The following SLC2A9 variants were observed in gnomAD, a reference collection of about 807,000 sequenced individuals.
The protein encoded by SLC2A9 is solute carrier family 2, facilitated glucose transporter member 9.
A neutral mutation model predicts 50.6 loss-of-function variants in SLC2A9; 39 were observed. That is an observed-to-expected ratio of 0.77 (90% CI 0.60 to 1.01). The LOEUF (loss-of-function observed/expected upper bound fraction) is 1.01. Ranked by LOEUF, SLC2A9 falls within the 50% of genes least tolerant of loss-of-function variation. SLC2A9 has a pLI of 0.00. For missense variants in SLC2A9, 686 were observed against 677.6 expected, an observed-to-expected ratio of 1.01 and a Z score of -0.14; for synonymous variants, 324 against 276.9, an observed-to-expected ratio of 1.17 and a Z score of -1.69.
intron 3 of SLC2A9, among the ~76,000 whole-genome samples, chr4:9,994,379 A>T (rs1251246884): frequency 6.6e-6 from 1 of 152,148 alleles, no homozygotes; most frequent in African/African-American, 2.4e-5. Context: ...TTCAAGCTGA[A>T]ACTTCAGCCC....
chr4:10,012,979 T>C (rs1762018021), intron 2 of SLC2A9, among the ~76,000 whole-genome samples: 1 of 152,120 alleles, frequency 6.6e-6, no homozygotes, highest in Admixed American at 6.5e-5. Context: ...CTTTGGCCTT[T>C]GGGTGGAGAC....
intron 3 of SLC2A9, among the ~76,000 whole-genome samples, chr4:9,986,409 TCAGA>T (rs1756722602): frequency 6.6e-6 from 1 of 152,248 alleles, no homozygotes; most frequent in Admixed American, 6.5e-5. Context: ...GGCAGGAAAC[TCAGA>T]CAAACATGAA....
intron 3 of SLC2A9, among the ~76,000 whole-genome samples, chr4:9,813,166 A>G (rs1435386486): frequency 1.3e-5 from 2 of 152,222 alleles, no homozygotes; most frequent in Non-Finnish European, 2.9e-5. Context: ...ATGTTCAGCC[A>G]TATATGGAAA....
chr4:9,963,288 C>T (rs1752563655), intron 5 of SLC2A9, among the ~76,000 whole-genome samples: 1 of 152,170 alleles, frequency 6.6e-6, no homozygotes, highest in Non-Finnish European at 1.5e-5. Context: ...GCCCTTGACA[C>T]GTGGGGATTA....
chr4:9,994,564 C>CTTTTTTTTTTTTTTTTTTTTTT (rs35574155), intron 3 of SLC2A9, among the ~76,000 whole-genome samples: 1 of 131,826 alleles, frequency 7.6e-6, no homozygotes, highest in Non-Finnish European at 1.6e-5. Context: ...TTTCCTTTTC[C>CTTTTTTTTTTTTTTTTTTTTTT]TTTTTTTTTT....
chr4:9,883,017 G>A (rs1449233798), intron 10 of SLC2A9, among the ~76,000 whole-genome samples: 1 of 152,098 alleles, frequency 6.6e-6, no homozygotes, highest in Non-Finnish European at 1.5e-5. Flanking sequence ...AATATAAAAT[G>A]CAGAAAATAG....
At chr4:9,937,248 G>C (rs139357070) in intron 6 of SLC2A9, among the ~76,000 whole-genome samples, 1 of 152,186 alleles carries the variant, frequency 6.6e-6, no homozygotes, top group African/African-American at 2.4e-5. Context: ...GAACGACTTC[G>C]TGCTCTGAGG....
At chr4:9,830,448 A>G (rs1373001308) in intron 11 of SLC2A9, among the ~76,000 whole-genome samples, 1 of 152,216 alleles carries the variant, frequency 6.6e-6, no homozygotes, top group African/African-American at 2.4e-5. Context: ...TGATCTGTGT[A>G]GCAAACCACC....
intron 6 of SLC2A9, among the ~76,000 whole-genome samples, chr4:9,925,418 G>A (rs1313348724): frequency 6.6e-6 from 1 of 152,158 alleles, no homozygotes; most frequent in African/African-American, 2.4e-5. Context: ...CCCTGACCAG[G>A]GGCCATTTAA....
In SLC2A9 at chr4:9,931,773, C is replaced by A. The variant is rs114423769; in HGVS notation, c.814+10140G>T. ...ATCTGGGATGGCGTGCAAAGATCCA[C>A]TGTGTTAAGGGAAGAACAAGGAACG... On this transcript the variant is annotated intron_variant, in intron 6 of 11. Transcript: ENST00000264784. Among the ~76,000 whole-genome samples the A allele has an allele frequency of 3.8e-3, 579 of 151,656 alleles. 5 individuals carry two copies. The highest frequency in any genetic ancestry group is 0.013 in the African/African-American group (545 of 41,278).
intron 1 of SLC2A9, among the ~76,000 whole-genome samples, chr4:10,037,577 ATAAT>A (rs1303658714): frequency 1.4e-5 from 2 of 144,784 alleles, no homozygotes; most frequent in Admixed American, 1.4e-4. Flanking sequence ...AAGGTAAATA[ATAAT>A]TAATCCAACA....
At chr4:9,807,314 G>A (rs564397343) in intron 3 of SLC2A9, among the ~76,000 whole-genome samples, 1 of 152,238 alleles carries the variant, frequency 6.6e-6, no homozygotes, top group East Asian at 1.9e-4. Context: ...CTTCTAGAAT[G>A]CCCTTTCTTC....
At chr4:9,994,547 CT>C (rs1758285853) in intron 3 of SLC2A9, among the ~76,000 whole-genome samples, 1 of 144,890 alleles carries the variant, frequency 6.9e-6, no homozygotes, top group African/African-American at 2.6e-5. Flanking sequence ...GTTGTTTTCT[CT>C]TTTGCTTTCC....
At chr4:9,810,549 C>T (rs1417340350) in intron 3 of SLC2A9, among the ~76,000 whole-genome samples, 1 of 152,236 alleles carries the variant, frequency 6.6e-6, no homozygotes, top group African/African-American at 2.4e-5. Flanking sequence ...CTACTAGTCT[C>T]ACGAGAGACT....
intron 10 of SLC2A9, among the ~76,000 whole-genome samples, chr4:9,874,314 T>C (rs893246784): frequency 6.6e-6 from 1 of 152,208 alleles, no homozygotes; most frequent in East Asian, 1.9e-4. Flanking sequence ...ATAAACAGAA[T>C]GATCACACCC....
chr4:9,856,004 A>G (rs564433897), intron 10 of SLC2A9, among the ~76,000 whole-genome samples: 2 of 152,360 alleles, frequency 1.3e-5, no homozygotes, highest in Non-Finnish European at 2.9e-5. Flanking sequence ...TAAATCTATA[A>G]AAACCCTGGA....
intron 5 of SLC2A9, among the ~76,000 whole-genome samples, chr4:9,956,455 G>A (rs1280826748): frequency 2.0e-5 from 3 of 151,870 alleles, no homozygotes; most frequent in African/African-American, 7.3e-5. Context: ...ACTCCAGCCT[G>A]GACAACAGAG....
chr4:9,782,535 T>G (rs1718590636), intron 3 of SLC2A9: 1 of 1,613,974 alleles, frequency 6.2e-7, no homozygotes, highest in African/African-American at 1.3e-5. Flanking sequence ...ACCTTGTCCA[T>G]CCTCATCTCC....
At chr4:9,931,440 A>T (rs1464984518) in intron 6 of SLC2A9, among the ~76,000 whole-genome samples, 1 of 152,214 alleles carries the variant, frequency 6.6e-6, no homozygotes, top group Non-Finnish European at 1.5e-5. Flanking sequence ...TTTATTCAAG[A>T]GGAGTCAAGA....
Sources: allele counts gnomAD v4.1 joint callset (sites outside exome capture counted in the v4.1 genomes callset), GRCh38; gene constraint gnomAD v4.1.1; transcripts MANE v1.5; gene names NCBI Gene and HGNC (gene_info 2026-07-23, HGNC 2026-07-21).